The following ZNF705B variants were observed in gnomAD, a reference collection of about 807,000 sequenced individuals.
The protein encoded by ZNF705B is Putative zinc finger protein 705D-like protein LOC100132396.
ZNF705B carries 1 observed loss-of-function variant against 10.5 expected under a neutral mutation model. The ratio of observed to expected loss-of-function variants is 0.10; its 90% CI spans 0.03 to 0.45. ZNF705B has a LOEUF of 0.45. Among genes scored for constraint, ZNF705B ranks in the 20% least tolerant of loss-of-function variants. ZNF705B has a pLI of 0.97. For synonymous variants in ZNF705B, 4 were observed against 25.4 expected (o/e 0.16, Z 2.53); for missense variants, 14 against 84.0 (o/e 0.17, Z 3.26).
intron 2 of ZNF705B, among the ~76,000 whole-genome samples, chr8:7,932,455 C>T (rs1819876465): frequency 1.6e-5 from 2 of 121,414 alleles, no homozygotes; most frequent in Admixed American, 9.3e-5. Context: ...AGGCCACCTC[C>T]TAGCAATGAG....
At chr8:7,934,696 G>GTGTT in intron 2 of ZNF705B, 2 of 32,130 alleles carry the variant, frequency 6.2e-5, no homozygotes, top group Non-Finnish European at 1.5e-4. Flanking sequence ...GTGTGTCTGT[G>GTGTT]TGTGTGTGTG....
intron 2 of ZNF705B, among the ~76,000 whole-genome samples, chr8:7,936,701 G>A (rs1820024943): frequency 8.5e-6 from 1 of 118,186 alleles, no homozygotes; most frequent in Admixed American, 9.9e-5. Context: ...ATGGGAACAA[G>A]AGAGATTGGG....
intron 1 of ZNF705B, among the ~76,000 whole-genome samples, chr8:7,928,515 G>A (rs1025760992): frequency 4.2e-5 from 5 of 120,202 alleles, no homozygotes; most frequent in Non-Finnish European, 1.0e-4. Flanking sequence ...TGTAGAGAAG[G>A]AGAGAGATGT....
At chr8:7,926,749 T>C (rs1819699873) in intron 1 of ZNF705B, among the ~76,000 whole-genome samples, 1 of 115,416 alleles carries the variant, frequency 8.7e-6, no homozygotes, top group South Asian at 3.1e-4. Context: ...GTTAGGGAAG[T>C]GCAATTCAGA....
intron 2 of ZNF705B, among the ~76,000 whole-genome samples, chr8:7,932,367 A>T (rs1319800967): frequency 2.5e-5 from 3 of 121,090 alleles, no homozygotes; most frequent in African/African-American, 7.5e-5. Flanking sequence ...GCCCTCTTCA[A>T]GGTATGATTA....
At chr8:7,932,542 A>G (rs1316995237) in intron 2 of ZNF705B, among the ~76,000 whole-genome samples, 1 of 121,474 alleles carries the variant, frequency 8.2e-6, no homozygotes, top group African/African-American at 2.5e-5. Context: ...TACTCTAAGA[A>G]GTAAATGTTA....
At chr8:7,927,842 C>T (rs1186233144) in intron 1 of ZNF705B, among the ~76,000 whole-genome samples, 21 of 144,552 alleles carry the variant, frequency 1.5e-4, no homozygotes, top group African/African-American at 4.4e-4. Context: ...TCTCTGATGT[C>T]TACATCTCAT....
At chr8:7,941,306 A>C (rs1461062236) in intron 2 of ZNF705B, among the ~76,000 whole-genome samples, 1 of 143,000 alleles carries the variant, frequency 7.0e-6, no homozygotes, top group African/African-American at 2.5e-5. Flanking sequence ...ATTCCCACCA[A>C]CAGTGTAAAA....
At chr8:7,938,116 A>G (rs1246262700) in intron 2 of ZNF705B, among the ~76,000 whole-genome samples, 5 of 113,440 alleles carry the variant, frequency 4.4e-5, no homozygotes, top group African/African-American at 1.1e-4. Flanking sequence ...GCAGTAGGCT[A>G]TGCTCTGGTG....
chr8:7,941,178 G>T (rs1289173319), intron 2 of ZNF705B, among the ~76,000 whole-genome samples: 2 of 145,874 alleles, frequency 1.4e-5, no homozygotes, highest in Admixed American at 1.4e-4. Flanking sequence ...ATAATAGAAT[G>T]ATTTATATTC....
chr8:7,929,591 T>C (rs1819785660), intron 1 of ZNF705B, among the ~76,000 whole-genome samples: 2 of 123,754 alleles, frequency 1.6e-5, no homozygotes, highest in African/African-American at 5.0e-5. Flanking sequence ...TCTGTAATCA[T>C]GAGTCCATAG....
At chr8:7,928,066 C>T (rs557798029) in intron 1 of ZNF705B, among the ~76,000 whole-genome samples, 16 of 121,954 alleles carry the variant, frequency 1.3e-4, no homozygotes, top group African/African-American at 3.0e-4. Context: ...TCTCACAGTT[C>T]TCGAGGTTGG....
At chr8:7,926,827 C>G (rs909141728) in intron 1 of ZNF705B, among the ~76,000 whole-genome samples, 3 of 116,434 alleles carry the variant, frequency 2.6e-5, no homozygotes, top group Non-Finnish European at 6.1e-5. Context: ...ACACACAGAA[C>G]TAGTTTATCT....
At chr8:7,928,354 C>T (rs1466429824) in intron 1 of ZNF705B, among the ~76,000 whole-genome samples, 1 of 121,064 alleles carries the variant, frequency 8.3e-6, no homozygotes, top group African/African-American at 2.5e-5. Context: ...TCCTTCCTCC[C>T]TCCGTCAATT....
At position 7,930,289 on chromosome 8, in the gene ZNF705B, C is replaced by T. The variant is rs1277449197; in HGVS notation, c.-219C>T. ...GCTGAATTCAAACTCATTCCCAGAT[C>T]ACTTGTCCTCCTCAATTGATGTACA... On this transcript the variant is annotated splice_region_variant and 5_prime_UTR_variant, in exon 2 of 7. Coordinates refer to ENST00000400120, the MANE Select transcript of ZNF705B (RefSeq NM_001193630.1). The T allele has an allele frequency of 9.6e-6, 1 of 104,196 alleles. No homozygotes were observed. The highest frequency in any genetic ancestry group is 2.7e-5 in the African/African-American group (1 of 36,402). 6.5% of individuals were successfully genotyped at this position (104,196 alleles called of 1,614,324 possible).
chr8:7,927,825 G>A (rs182370935), intron 1 of ZNF705B, among the ~76,000 whole-genome samples: 10 of 146,092 alleles, frequency 6.8e-5, no homozygotes, highest in African/African-American at 2.4e-4. Flanking sequence ...TCAGAGCTTG[G>A]CTGATTTCTC....
intron 2 of ZNF705B, among the ~76,000 whole-genome samples, chr8:7,940,676 T>C (rs1240175638): frequency 1.3e-5 from 2 of 148,382 alleles, no homozygotes; most frequent in Non-Finnish European, 3.0e-5. Flanking sequence ...CAAACACAAG[T>C]GAAATAATAT....
At chr8:7,932,704 G>C (rs61246233) in intron 2 of ZNF705B, among the ~76,000 whole-genome samples, 7 of 119,754 alleles carry the variant, frequency 5.8e-5, no homozygotes, top group African/African-American at 1.8e-4. Flanking sequence ...TTGAGATTTC[G>C]AGTAGTCCAT....
chr8:7,930,510 A>C lies in ZNF705B; in HGVS notation c.-72+74A>C, dbSNP rs1186277644. ...CTGACGTAGGCCAAATTGATTGATC[A>C]GCCAAGGAAGCACTGAAATATGGAA... is the stretch of plus-strand genomic sequence containing the variant. On this transcript the variant is annotated intron_variant, in intron 2 of 6. Transcript: ENST00000400120. 23 of 79,040 alleles carry C rather than the reference A, an allele frequency of 2.9e-4. 1 individual carries two copies. Among genetic ancestry groups the C allele is most frequent in the African/African-American group, 7.6e-4 (23 of 30,164 alleles). The allele number at this position is 79,040 out of a possible 1,614,324, so 4.9% of individuals were successfully genotyped here. A position where few individuals can be genotyped will look rare whatever the true frequency, so the allele number is the denominator to read the frequency against.
Sources: gnomAD v4.1 joint callset for allele counts (sites outside exome capture counted in the v4.1 genomes callset) on GRCh38, gnomAD v4.1.1 for gene constraint, MANE v1.5 for transcripts, NCBI Gene and HGNC (gene_info 2026-07-23, HGNC 2026-07-21) for gene names.